HTR1E: variants seen among roughly 807,000 people sequenced by gnomAD.
HTR1E encodes 5-HT-1E.
Under a neutral mutation model 3.4 loss-of-function variants are expected in HTR1E, and 3 were observed. That is an observed-to-expected ratio of 0.89 (90% confidence interval 0.41 to 2.31). The LOEUF (loss-of-function observed/expected upper bound fraction) is 2.31. HTR1E is among the 30% of genes most tolerant of loss of function. The probability of loss-of-function intolerance (pLI) is 0.05; values close to 1 mark genes in which losing one functional copy is unlikely to be tolerated. For missense variants in HTR1E, 392 were observed against 467.0 expected (o/e 0.84, Z 1.48); for synonymous variants, 170 against 182.8 (o/e 0.93, Z 0.56).
intron 1 of HTR1E, among the ~76,000 whole-genome samples, chr6:86,978,523 T>C (rs1175193070): frequency 6.6e-6 from 1 of 152,182 alleles, no homozygotes; most frequent in African/African-American, 2.4e-5. Context: ...GATAACATTA[T>C]GGATCACTGA....
At chr6:86,959,067 T>A (rs1383411831) in intron 1 of HTR1E, among the ~76,000 whole-genome samples, 1 of 151,672 alleles carries the variant, frequency 6.6e-6, no homozygotes, top group African/African-American at 2.4e-5. Flanking sequence ...GGTAGGCAGG[T>A]AGGCTGGAGA....
intron 1 of HTR1E, among the ~76,000 whole-genome samples, chr6:86,992,099 C>T (rs1408662768): frequency 6.6e-6 from 1 of 152,174 alleles, no homozygotes; most frequent in Non-Finnish European, 1.5e-5. Context: ...ATCCCACTTA[C>T]AACCCTTAGT....
intron 1 of HTR1E, among the ~76,000 whole-genome samples, chr6:86,946,649 T>C (rs989311705): frequency 6.6e-6 from 1 of 152,248 alleles, no homozygotes; most frequent in Non-Finnish European, 1.5e-5. Flanking sequence ...TGAGGACAAC[T>C]GAAGTAACTA....
chr6:87,007,589 C>A (rs1251161053), intron 1 of HTR1E, among the ~76,000 whole-genome samples: 2 of 151,940 alleles, frequency 1.3e-5, no homozygotes, highest in Admixed American at 1.3e-4. Context: ...TCATATACCC[C>A]CTAAATATAT....
At position 87,015,250 on chromosome 6, in the gene HTR1E, T is replaced by G. The variant is rs1768300848; in HGVS notation, c.-85T>G. The stretch of plus-strand genomic sequence containing the variant: ...GAACAAATTATAGCCTCCTTACAAG[T>G]GAGAAACCTTCGAGGCTACATAGTT... On this transcript the variant is annotated 5_prime_UTR_variant, in exon 2 of 2. Transcript: ENST00000305344. 2 of 1,251,394 alleles carry G rather than the reference T, an allele frequency of 1.6e-6. No homozygotes were observed. 77.5% of individuals were successfully genotyped at this position (1,251,394 alleles called of 1,614,324 possible). A position where few individuals can be genotyped will look rare whatever the true frequency, so the allele number is the denominator to read the frequency against.
At chr6:86,989,175 C>A (rs539960684) in intron 1 of HTR1E, among the ~76,000 whole-genome samples, 1 of 152,294 alleles carries the variant, frequency 6.6e-6, no homozygotes, top group South Asian at 2.1e-4. Context: ...CCTACCCCGA[C>A]ACCACACTGC....
At chr6:86,974,810 A>G (rs1335999558) in intron 1 of HTR1E, among the ~76,000 whole-genome samples, 2 of 152,162 alleles carry the variant, frequency 1.3e-5, no homozygotes, top group African/African-American at 4.8e-5. Flanking sequence ...ATCCATTACT[A>G]TCATTATTTA....
At chr6:86,969,173 T>TC (rs1272524016) in intron 1 of HTR1E, among the ~76,000 whole-genome samples, 8 of 152,062 alleles carry the variant, frequency 5.3e-5, no homozygotes, top group Non-Finnish European at 1.2e-4. Flanking sequence ...TGATGGTTGA[T>TC]AATAACCTAC....
At chr6:86,955,690 C>T (rs1011963341) in intron 1 of HTR1E, among the ~76,000 whole-genome samples, 1 of 151,970 alleles carries the variant, frequency 6.6e-6, no homozygotes, top group African/African-American at 2.4e-5. Context: ...TAACATTTTA[C>T]ATAACAGAAT....
Position 86,980,458 on chromosome 6 carries a change from A to T in HTR1E, c.-185-34692A>T, listed in dbSNP as rs558560859. Among the ~76,000 whole-genome samples, 5 of 152,208 alleles carry T rather than the reference A, an allele frequency of 3.3e-5. No homozygotes were observed. The East Asian group carries it at 9.7e-4, about 29-fold the overall frequency. ...GATGAAGAGGGACGTGACAAGGCAA[A>T]CAGGCACCACCCAACTCAGACACGG... On this transcript the variant is annotated intron_variant, in intron 1 of 1. Transcript: ENST00000305344.
At chr6:87,009,176 G>T (rs1388296716) in intron 1 of HTR1E, among the ~76,000 whole-genome samples, 2 of 150,450 alleles carry the variant, frequency 1.3e-5, no homozygotes, top group East Asian at 2.0e-4. Context: ...GTGAACAAAG[G>T]TCTCTGGTTT....
chr6:86,995,577 A>T (rs1247983443), intron 1 of HTR1E, among the ~76,000 whole-genome samples: 1 of 150,118 alleles, frequency 6.7e-6, no homozygotes, highest in Non-Finnish European at 1.5e-5. Flanking sequence ...GAGGCAGAAG[A>T]AACGCTTGAA....
At chr6:86,963,072 C>T (rs1767430305) in intron 1 of HTR1E, among the ~76,000 whole-genome samples, 2 of 151,998 alleles carry the variant, frequency 1.3e-5, no homozygotes, top group African/African-American at 4.8e-5. Flanking sequence ...ATGACAGCAC[C>T]ATGCATGTTA....
At chr6:86,943,622 T>C (rs1198978325) in intron 1 of HTR1E, among the ~76,000 whole-genome samples, 4 of 152,172 alleles carry the variant, frequency 2.6e-5, no homozygotes, top group African/African-American at 9.6e-5. Context: ...TACTAGGGGG[T>C]AACACAGCAT....
At chr6:86,992,308 C>CT (rs1466439271) in intron 1 of HTR1E, among the ~76,000 whole-genome samples, 1 of 152,194 alleles carries the variant, frequency 6.6e-6, no homozygotes, top group Non-Finnish European at 1.5e-5. Context: ...TTCTCCTCAT[C>CT]TTTCTATAGA....
intron 1 of HTR1E, among the ~76,000 whole-genome samples, chr6:86,945,819 C>T (rs373183157): frequency 8.6e-5 from 13 of 151,920 alleles, no homozygotes; most frequent in African/African-American, 2.4e-4. Flanking sequence ...TTCACTGCAA[C>T]GTCCGCCTCC....
intron 1 of HTR1E, among the ~76,000 whole-genome samples, chr6:86,941,669 A>G (rs528386834): frequency 2.6e-5 from 4 of 152,346 alleles, no homozygotes; most frequent in African/African-American, 9.6e-5. Context: ...GATTCTAGTT[A>G]TCAGTGCAGA....
chr6:86,957,905 G>T (rs896743484), intron 1 of HTR1E, among the ~76,000 whole-genome samples: 5 of 152,206 alleles, frequency 3.3e-5, no homozygotes, highest in African/African-American at 1.2e-4. Context: ...AGTGGAGTGT[G>T]AGCAGAGAGG....
At chr6:86,943,564 T>C (rs1362926599) in intron 1 of HTR1E, among the ~76,000 whole-genome samples, 5 of 152,218 alleles carry the variant, frequency 3.3e-5, no homozygotes, top group Non-Finnish European at 7.3e-5. Context: ...GAATATGCTA[T>C]TGTGATTCAT....
Sources: allele counts gnomAD v4.1 joint callset (sites outside exome capture counted in the v4.1 genomes callset), GRCh38; gene constraint gnomAD v4.1.1; transcripts MANE v1.5; gene names NCBI Gene and HGNC (gene_info 2026-07-23, HGNC 2026-07-21).